The following SLIT2 variants were observed in gnomAD, a reference collection of about 807,000 sequenced individuals.
SLIT2 encodes slit guidance ligand 2.
Under a neutral mutation model 185.7 loss-of-function variants are expected in SLIT2, and 41 were observed. The ratio of observed to expected loss-of-function variants is 0.22; its 90% CI spans 0.17 to 0.29. SLIT2 has a LOEUF of 0.29. Ranked by LOEUF, SLIT2 falls within the 10% of genes least tolerant of loss-of-function variation. The pLI is 1.00. For missense variants in SLIT2, 1,571 were observed against 1,909.0 expected, an observed-to-expected ratio of 0.82 and a Z score of 3.30; for synonymous variants, 693 against 680.2, an observed-to-expected ratio of 1.02 and a Z score of -0.29.
chr4:20,261,883 C>A (rs960389724), intron 3 of SLIT2, among the ~76,000 whole-genome samples: 1 of 151,726 alleles, frequency 6.6e-6, no homozygotes, highest in Non-Finnish European at 1.5e-5. Context: ...TTCATCTTTT[C>A]CCACCAATAC....
intron 26 of SLIT2, among the ~76,000 whole-genome samples, chr4:20,561,660 T>A (rs1724702319): frequency 6.6e-6 from 1 of 151,712 alleles, no homozygotes; most frequent in African/African-American, 2.4e-5. Context: ...CTTGGTCAAA[T>A]CTTTTTTACA....
chr4:20,378,649 A>AC (rs1182328236), intron 4 of SLIT2, among the ~76,000 whole-genome samples: 1 of 152,146 alleles, frequency 6.6e-6, no homozygotes, highest in Non-Finnish European at 1.5e-5. Flanking sequence ...ATTTTCAGTA[A>AC]CTGGAAGGTT....
intron 9 of SLIT2, among the ~76,000 whole-genome samples, chr4:20,501,946 A>T (rs139949136): frequency 7.0e-4 from 106 of 152,334 alleles, no homozygotes; most frequent in African/African-American, 2.4e-3. Flanking sequence ...CTTTGTGTTC[A>T]TGATAAGAAA....
At chr4:20,258,912 C>A (rs1459283114) in intron 3 of SLIT2, among the ~76,000 whole-genome samples, 1 of 151,606 alleles carries the variant, frequency 6.6e-6, no homozygotes, top group African/African-American at 2.4e-5. Context: ...AACACATATT[C>A]AGGTTCACTG....
rs1043065626 is a variant in SLIT2 at position 20,484,245 on chromosome 4, G to C, written c.540-1955G>C. ...TAAAGATTTTAGCCATATTAAGTCA[G>C]CATAAATTTTGAGGATGGGAAAAGG... On this transcript the variant is annotated intron_variant, in intron 6 of 36. Coordinates refer to ENST00000504154, the MANE Select transcript of SLIT2 (RefSeq NM_004787.4). This position sits in a 1 kb window ranked among gnomAD's most constrained non-coding sequence, Gnocchi z 4.3. Among the ~76,000 whole-genome samples, 1 of 152,054 alleles carries C rather than the reference G, an allele frequency of 6.6e-6. No homozygotes were observed. The highest frequency in any genetic ancestry group is 1.5e-5 in the Non-Finnish European group (1 of 67,992).
intron 26 of SLIT2, chr4:20,554,366 T>G (rs1724050508): frequency 2.2e-6 from 1 of 459,350 alleles, no homozygotes; most frequent in African/African-American, 2.0e-5. Context: ...CCCTCCCCAG[T>G]GTTCAGCCCA....
At chr4:20,594,911 C>T (rs550888053) in intron 30 of SLIT2, among the ~76,000 whole-genome samples, 1 of 152,154 alleles carries the variant, frequency 6.6e-6, no homozygotes, top group Non-Finnish European at 1.5e-5. Flanking sequence ...ACGAATATCA[C>T]AGGACTGTGG....
chr4:20,344,319 G>C (rs1267619958), intron 4 of SLIT2, among the ~76,000 whole-genome samples: 2 of 152,120 alleles, frequency 1.3e-5, no homozygotes, highest in African/African-American at 4.8e-5. Context: ...TCTGGGATTG[G>C]GGAAGTGAGA....
intron 4 of SLIT2, among the ~76,000 whole-genome samples, chr4:20,291,490 ATATTTTTTTTTTTTTTTTTTT>A (rs1245359877): frequency 1.0e-3 from 10 of 9,958 alleles, no homozygotes; most frequent in African/African-American, 1.8e-3. Context: ...ATATATATAT[ATATTTTTTTTTTTTTTTTTTT>A]TTTTTTTTTT....
At position 20,253,448 on chromosome 4, in the gene SLIT2, A is replaced by G. The variant is rs1722196946; in HGVS notation, c.-368A>G. 7.3e-6 allele frequency: 2 copies of G among 273,882 alleles called. No homozygotes were observed. The highest frequency in any genetic ancestry group is 1.4e-5 in the Non-Finnish European group (2 of 143,488). 17.0% of individuals were successfully genotyped at this position (273,882 alleles called of 1,614,324 possible). On this transcript the variant is annotated 5_prime_UTR_variant, in exon 1 of 37. Coordinates refer to ENST00000504154, the MANE Select transcript of SLIT2 (RefSeq NM_004787.4). ...CCTCCCCACAACAACCGGCCCCTGCATCTTAGCAGCCGTTGGAAGCCCCAG... is the reference window on the plus strand; with the variant it reads ...CCTCCCCACAACAACCGGCCCCTGCGTCTTAGCAGCCGTTGGAAGCCCCAG...
chr4:20,613,924 C>T (rs12504663), intron 34 of SLIT2, among the ~76,000 whole-genome samples: 93,417 of 151,978 alleles, frequency 0.61, 29,025 homozygotes, highest in Admixed American at 0.71. Flanking sequence ...CAGGCTGGAG[C>T]GCAATGGCAC....
chr4:20,617,917 A>G (rs1729807313), intron 36 of SLIT2, among the ~76,000 whole-genome samples: 1 of 152,174 alleles, frequency 6.6e-6, no homozygotes, highest in Admixed American at 6.5e-5. Context: ...GATGCTTCTC[A>G]CAAGTTGATT....
intron 4 of SLIT2, among the ~76,000 whole-genome samples, chr4:20,399,809 A>G (rs1228433597): frequency 6.6e-6 from 1 of 151,788 alleles, no homozygotes; most frequent in Non-Finnish European, 1.5e-5. Context: ...GAAGAGCTAT[A>G]GTAAACTGAG....
Position 20,523,781 on chromosome 4 carries a change from A to C in SLIT2, c.1152A>C (p.Ile384=), listed in dbSNP as rs200337584. The change falls in exon 13 of 37, where the codon ATA becomes ATC. Residue 384 remains isoleucine (I), a synonymous_variant. Coordinates refer to ENST00000504154, the MANE Select transcript of SLIT2 (RefSeq NM_004787.4). ...LQLLLLNANK[I]NCLRVDAFQD... ...ACAGATTATTGAATGCCAACAAGAT[A>C]AACTGCCTTCGGGTAGATGCTTTTC... The C allele has an allele frequency of 2.0e-5, 32 of 1,614,022 alleles. No individual in the cohort carries two copies. The East Asian group carries it at 6.9e-4, about 35-fold the overall frequency.
chr4:20,352,089 G>GC (rs1199409652), intron 4 of SLIT2, among the ~76,000 whole-genome samples: 1 of 152,102 alleles, frequency 6.6e-6, no homozygotes, highest in Non-Finnish European at 1.5e-5. Context: ...AAGTGTCAGT[G>GC]CTGTATGTCT....
intron 5 of SLIT2, among the ~76,000 whole-genome samples, chr4:20,473,128 A>T (rs1715741763): frequency 6.6e-6 from 1 of 151,294 alleles, no homozygotes; most frequent in African/African-American, 2.4e-5. Context: ...CTGCTGCTTT[A>T]ATTTTGCAAT....
At chr4:20,421,118 G>A (rs768711845) in intron 4 of SLIT2, among the ~76,000 whole-genome samples, 1 of 152,184 alleles carries the variant, frequency 6.6e-6, no homozygotes, top group African/African-American at 2.4e-5. Flanking sequence ...AGTAGTGTCA[G>A]CATTTTAGCC....
chr4:20,309,068 T>C (rs1297459615), intron 4 of SLIT2, among the ~76,000 whole-genome samples: 1 of 152,140 alleles, frequency 6.6e-6, no homozygotes, highest in Non-Finnish European at 1.5e-5. Context: ...AAATTATAAA[T>C]GATATGATTC....
chr4:20,344,789 C>G (rs1368477690), intron 4 of SLIT2, among the ~76,000 whole-genome samples: 1 of 152,170 alleles, frequency 6.6e-6, no homozygotes, highest in African/African-American at 2.4e-5. Context: ...TTAAGAGATA[C>G]TACTGATAAC....
Sources: allele counts gnomAD v4.1 joint callset (sites outside exome capture counted in the v4.1 genomes callset), GRCh38; gene constraint gnomAD v4.1.1; non-coding constraint Gnocchi (gnomAD v3.1); transcripts MANE v1.5; gene names NCBI Gene and HGNC (gene_info 2026-07-23, HGNC 2026-07-21).